TENM2: variants seen among roughly 807,000 people sequenced by gnomAD.
TENM2 encodes teneurin transmembrane protein 2.
Under a neutral mutation model 245.2 loss-of-function variants are expected in TENM2, and 52 were observed. The ratio of observed to expected loss-of-function variants is 0.21; its 90% CI spans 0.17 to 0.27. The LOEUF (loss-of-function observed/expected upper bound fraction) is 0.27, where lower values mean the gene tolerates loss of function less well. TENM2 is among the 10% of genes least tolerant of loss of function. TENM2 has a pLI of 1.00. For missense variants in TENM2, 3,046 were observed against 3,666.8 expected, an observed-to-expected ratio of 0.83 and a Z score of 4.37; for synonymous variants, 1,363 against 1,438.9, an observed-to-expected ratio of 0.95 and a Z score of 1.19.
chr5:167,420,621 T>TC (rs1763448833), intron 2 of TENM2, among the ~76,000 whole-genome samples: 1 of 152,186 alleles, frequency 6.6e-6, no homozygotes, highest in Non-Finnish European at 1.5e-5. Context: ...TCTAATGTTG[T>TC]CTCCTTCAAG....
rs558805308 is a variant in TENM2 at position 168,100,326 on chromosome 5, G to A, written c.1813+2199G>A. On this transcript the variant is annotated intron_variant, in intron 9 of 28. Transcript: ENST00000518659. ...CAACCATTGTGGAAGATAGTGTGGC[G>A]ATTCCTCAAGGATCTAGAACCAGAA... Among the ~76,000 whole-genome samples the A allele has an allele frequency of 1.3e-4, 20 of 152,266 alleles. No individual in the cohort carries two copies. The South Asian group carries it at 3.5e-3, about 27-fold the overall frequency.
chr5:167,421,634 A>G (rs1366993115), intron 2 of TENM2, among the ~76,000 whole-genome samples: 1 of 152,222 alleles, frequency 6.6e-6, no homozygotes, highest in Non-Finnish European at 1.5e-5. Context: ...TTCCACGTCC[A>G]TTAGCTCTGT....
intron 2 of TENM2, among the ~76,000 whole-genome samples, chr5:167,742,381 A>AAAC (rs1248744045): frequency 6.6e-6 from 1 of 151,648 alleles, no homozygotes; most frequent in African/African-American, 2.4e-5. Flanking sequence ...AAAAAAAAAA[A>AAAC]CCCTGAAGTT....
chr5:167,975,041 T>C (rs1016671032), intron 4 of TENM2, among the ~76,000 whole-genome samples: 2 of 152,246 alleles, frequency 1.3e-5, no homozygotes, highest in Non-Finnish European at 2.9e-5. Context: ...TGCCTTTAGG[T>C]TTTGTTTAAT....
chr5:167,905,992 A>C (rs1776058532), intron 3 of TENM2, among the ~76,000 whole-genome samples: 1 of 152,210 alleles, frequency 6.6e-6, no homozygotes, highest in South Asian at 2.1e-4. Context: ...GCTTCAAATT[A>C]GCTGGCTGTA....
At chr5:168,094,563 C>T (rs1793204170) in intron 8 of TENM2, among the ~76,000 whole-genome samples, 1 of 152,006 alleles carries the variant, frequency 6.6e-6, no homozygotes, top group African/African-American at 2.4e-5. Context: ...TCCACATGTT[C>T]TACAGCAGGG....
intron 2 of TENM2, among the ~76,000 whole-genome samples, chr5:167,679,522 G>A (rs1289800968): frequency 6.6e-6 from 1 of 152,114 alleles, no homozygotes. Flanking sequence ...AAGCGGGTAT[G>A]CGGTAGTGAT....
At chr5:168,033,559 C>T (rs911518822) in intron 5 of TENM2, among the ~76,000 whole-genome samples, 5 of 152,068 alleles carry the variant, frequency 3.3e-5, no homozygotes, top group African/African-American at 1.2e-4. Context: ...CACTCCCAGA[C>T]CTCAGTTAAT....
chr5:167,579,378 C>T (rs1774927871), intron 2 of TENM2, among the ~76,000 whole-genome samples: 1 of 152,182 alleles, frequency 6.6e-6, no homozygotes, highest in South Asian at 2.1e-4. Flanking sequence ...ATAACATACA[C>T]ATTTTTATAT....
intron 2 of TENM2, among the ~76,000 whole-genome samples, chr5:167,468,927 G>T (rs1766837849): frequency 6.6e-6 from 1 of 152,100 alleles, no homozygotes; most frequent in Non-Finnish European, 1.5e-5. Context: ...TCAATTGAAG[G>T]TCTACCTTTC....
the TENM2 span, among the ~76,000 whole-genome samples, chr5:167,071,692 C>T: frequency 1.4e-4 from 21 of 152,080 alleles, no homozygotes; most frequent in East Asian, 1.9e-3. Context: ...GTGCCAGAAG[C>T]ATCTTCTTTC....
At chr5:166,986,108 G>T in the TENM2 span, among the ~76,000 whole-genome samples, 1 of 152,182 alleles carries the variant, frequency 6.6e-6, no homozygotes, top group Non-Finnish European at 1.5e-5. Context: ...GAGATAAGGT[G>T]AGCATGAAGG....
intron 1 of TENM2, among the ~76,000 whole-genome samples, chr5:167,321,286 G>A (rs904408813): frequency 6.6e-6 from 1 of 152,032 alleles, no homozygotes; most frequent in Non-Finnish European, 1.5e-5. Flanking sequence ...AAAAATATAG[G>A]GCATTTTGGG....
At chr5:168,213,339 T>C (rs948664727) in intron 20 of TENM2, among the ~76,000 whole-genome samples, 2 of 152,230 alleles carry the variant, frequency 1.3e-5, no homozygotes, top group African/African-American at 4.8e-5. Context: ...ACCCAGATTG[T>C]TCCTAAAAAT....
At chr5:167,994,257 C>G (rs1783885230) in intron 5 of TENM2, among the ~76,000 whole-genome samples, 1 of 152,224 alleles carries the variant, frequency 6.6e-6, no homozygotes. Flanking sequence ...GACTCCAAAA[C>G]AGTTCCCAAC....
intron 6 of TENM2, among the ~76,000 whole-genome samples, chr5:168,060,039 G>A (rs944611941): frequency 3.3e-5 from 5 of 152,050 alleles, no homozygotes; most frequent in South Asian, 4.2e-4. Context: ...ACATGATGCC[G>A]TATTCCTCCC....
chr5:167,565,719 T>G (rs979705234), intron 2 of TENM2, among the ~76,000 whole-genome samples: 1 of 152,222 alleles, frequency 6.6e-6, no homozygotes, highest in African/African-American at 2.4e-5. Context: ...TGAAGTAATT[T>G]AGCTAATGCT....
chr5:168,235,968 A>G (rs766024051), intron 25 of TENM2, among the ~76,000 whole-genome samples: 10 of 152,136 alleles, frequency 6.6e-5, no homozygotes, highest in Non-Finnish European at 1.0e-4. Context: ...GAGTTGGGGG[A>G]AAAGCCTCTA....
At chr5:168,138,942 G>A (rs141368469) in intron 12 of TENM2, among the ~76,000 whole-genome samples, 53 of 152,264 alleles carry the variant, frequency 3.5e-4, no homozygotes, top group Non-Finnish European at 6.3e-4. Flanking sequence ...TGGTAATCAT[G>A]GGAACTTTAG....
Sources: allele counts gnomAD v4.1 joint callset (sites outside exome capture counted in the v4.1 genomes callset), GRCh38; gene constraint gnomAD v4.1.1; transcripts MANE v1.5; gene names NCBI Gene and HGNC (gene_info 2026-07-23, HGNC 2026-07-21).